Variants in GNPTAB observed in about 807,000 individuals in gnomAD.
The protein encoded by GNPTAB is N-acetylglucosamine-1-phosphate transferase subunits alpha and beta, also known as N-acetylglucosamine-1-phosphotransferase subunits alpha/beta.
A neutral mutation model predicts 136.6 loss-of-function variants in GNPTAB; 92 were observed. The observed-to-expected ratio is 0.67, with a 90% CI of 0.57 to 0.80. The LOEUF is 0.80. GNPTAB is among the 30% of genes least tolerant of loss of function. The probability of loss-of-function intolerance (pLI) is 0.00; values close to 1 mark genes in which losing one functional copy is unlikely to be tolerated. For missense variants in GNPTAB, 1,343 were observed against 1,501.8 expected (o/e 0.89, Z 1.75); for synonymous variants, 512 against 535.1 (o/e 0.96, Z 0.60).
Position 101,788,597 on chromosome 12 carries a change from A to G in GNPTAB, c.324-8T>C. ...TTTTTCCCAAGGATTTCTCTAATAA[A>G]AAGCAAATACAGTTTATTACATACA... is the stretch of plus-strand genomic sequence containing the variant. On this transcript the variant is annotated splice_polypyrimidine_tract_variant and splice_region_variant and intron_variant, in intron 3 of 20. Coordinates refer to ENST00000299314, the MANE Select transcript of GNPTAB (RefSeq NM_024312.5). 1 of 1,494,380 alleles carries G rather than the reference A, an allele frequency of 6.7e-7. No individual in the cohort carries two copies. Among genetic ancestry groups the G allele is most frequent in the East Asian group, 2.3e-5 (1 of 44,302 alleles). The allele number at this position is 1,494,380 out of a possible 1,614,324, so 92.6% of individuals were successfully genotyped here. A position where few individuals can be genotyped will look rare whatever the true frequency, so the allele number is the denominator to read the frequency against.
intron 7 of GNPTAB, chr12:101,772,981 T>C: frequency 6.0e-6 from 1 of 166,316 alleles, no homozygotes; most frequent in Non-Finnish European, 1.3e-5. Flanking sequence ...CATGCCCAGC[T>C]AATATTTTTT....
In GNPTAB at chr12:101,795,480, C is replaced by T. The variant is rs374977326; in HGVS notation, c.203+1197G>A. 3.0e-4 allele frequency among the ~76,000 whole-genome samples: 45 copies of T among 152,208 alleles called. No homozygotes were observed. In the East Asian group the frequency reaches 7.9e-3, roughly 27 times the overall value. ...TTTTAAAATGAGAATAGGCCGAGAG[C>T]GGTGATTCATGCCTGTAACCTCAGC... On this transcript the variant is annotated intron_variant, in intron 2 of 20. Coordinates refer to ENST00000299314, the MANE Select transcript of GNPTAB (RefSeq NM_024312.5).
At chr12:101,815,005 T>A (rs573651038) in intron 1 of GNPTAB, among the ~76,000 whole-genome samples, 1 of 152,196 alleles carries the variant, frequency 6.6e-6, no homozygotes, top group Non-Finnish European at 1.5e-5. Context: ...CTGAAAAATA[T>A]CTTGGGGTCC....
intron 1 of GNPTAB, among the ~76,000 whole-genome samples, chr12:101,805,736 G>C (rs927828225): frequency 3.3e-5 from 5 of 152,102 alleles, no homozygotes; most frequent in Admixed American, 2.6e-4. Context: ...TAAAAAAATT[G>C]CTCCTTTCTT....
intron 1 of GNPTAB, among the ~76,000 whole-genome samples, chr12:101,803,820 T>C (rs1351918878): frequency 6.6e-6 from 1 of 152,118 alleles, no homozygotes; most frequent in African/African-American, 2.4e-5. Flanking sequence ...GGAATAATCA[T>C]GACATATTTT....
intron 5 of GNPTAB, among the ~76,000 whole-genome samples, chr12:101,780,936 A>T (rs774467539): frequency 1.8e-4 from 28 of 152,202 alleles, no homozygotes; most frequent in Non-Finnish European, 3.4e-4. Context: ...TGTATATGCA[A>T]AGACAGGGGG....
In GNPTAB at chr12:101,778,015, C is replaced by G. The variant is rs77777873; in HGVS notation, c.771+2137G>C. Among the ~76,000 whole-genome samples the G allele has an allele frequency of 2.8e-3, 426 of 152,322 alleles. 2 individuals carry two copies. Among genetic ancestry groups the G allele is most frequent in the African/African-American group, 9.4e-3 (392 of 41,566 alleles). ...ATAAATCTCTGACTGGGAGACTGAA[C>G]TGTGGAAAGGAGTCTCACCACACCT... On this transcript the variant is annotated intron_variant, in intron 7 of 20. Coordinates refer to ENST00000299314, the MANE Select transcript of GNPTAB (RefSeq NM_024312.5).
chr12:101,761,365 T>C lies in GNPTAB; in HGVS notation c.2916-19A>G. 1 of 1,603,898 alleles carries C rather than the reference T, an allele frequency of 6.2e-7. No individual in the cohort carries two copies. The highest frequency in any genetic ancestry group is 1.3e-5 in the African/African-American group (1 of 74,332). Reference sequence around the variant, plus strand: ...AGGGAACCTGTCCAAATATAACATATTACAAACTCTGGATATTCAAAGTAT... The same window carrying C: ...AGGGAACCTGTCCAAATATAACATACTACAAACTCTGGATATTCAAAGTAT... On this transcript the variant is annotated intron_variant, in intron 14 of 20. Coordinates refer to ENST00000299314, the MANE Select transcript of GNPTAB (RefSeq NM_024312.5).
At chr12:101,824,434 T>TATATATA (rs1566103110) in intron 1 of GNPTAB, among the ~76,000 whole-genome samples, 2 of 67,974 alleles carry the variant, frequency 2.9e-5, no homozygotes, top group African/African-American at 6.4e-5. Flanking sequence ...ATATATATAT[T>TATATATA]TTCTTTTTTT....
Position 101,791,208 on chromosome 12 carries a change from T to C in GNPTAB, c.204-1151A>G, listed in dbSNP as rs75159825. ...TTGTTTAAGCCTCACCTTAGTGATT[T>C]TACCCAGATTTTATCCCTGCCAAAA... On this transcript the variant is annotated intron_variant, in intron 2 of 20. Transcript: ENST00000299314. 9.4e-3 allele frequency among the ~76,000 whole-genome samples: 1,438 copies of C among 152,328 alleles called. 27 individuals are homozygous for C. The highest frequency in any genetic ancestry group is 0.033 in the African/African-American group (1,359 of 41,572).
intron 1 of GNPTAB, among the ~76,000 whole-genome samples, chr12:101,818,570 G>A (rs759626786): frequency 3.3e-5 from 5 of 151,986 alleles, no homozygotes; most frequent in Non-Finnish European, 5.9e-5. Flanking sequence ...TAGAGATGAG[G>A]TTTCACCATG....
intron 11 of GNPTAB, among the ~76,000 whole-genome samples, chr12:101,767,283 G>A (rs1221037591): frequency 3.3e-5 from 5 of 152,204 alleles, no homozygotes; most frequent in African/African-American, 7.2e-5. Flanking sequence ...TTGAAAGGTA[G>A]TAAGTAAATG....
At chr12:101,789,900 C>A in intron 3 of GNPTAB, 38 bp downstream of exon 3, 1 of 1,598,278 alleles carries the variant, frequency 6.3e-7, no homozygotes, top group African/African-American at 1.3e-5. Context: ...TACATCGCCA[C>A]ATTACCCATC....
chr12:101,793,777 C>T (rs999292086), intron 2 of GNPTAB, among the ~76,000 whole-genome samples: 6 of 152,210 alleles, frequency 3.9e-5, no homozygotes, highest in African/African-American at 1.4e-4. Flanking sequence ...CTTGGTTCTA[C>T]ATTCTATAAA....
At chr12:101,818,688 T>C (rs922134816) in intron 1 of GNPTAB, among the ~76,000 whole-genome samples, 4 of 152,180 alleles carry the variant, frequency 2.6e-5, no homozygotes, top group Non-Finnish European at 4.4e-5. Flanking sequence ...TTTGTGTCTT[T>C]AGTCAACAGT....
rs575736902 is a variant in GNPTAB at position 101,821,552 on chromosome 12, G to A, written c.117+9007C>T. Among the ~76,000 whole-genome samples, 97 of 152,298 alleles carry A rather than the reference G, an allele frequency of 6.4e-4. 3 individuals are homozygous for A. In the South Asian group the frequency reaches 0.02, roughly 31 times the overall value. On this transcript the variant is annotated intron_variant, in intron 1 of 20. Coordinates refer to ENST00000299314, the MANE Select transcript of GNPTAB (RefSeq NM_024312.5). ...TGGGCCAAGATGCAAAGTTTCTTAA[G>A]GAACAGTTGCAGACTCATCCAAATC...
chr12:101,759,358 G>A (rs1471664888), intron 16 of GNPTAB, among the ~76,000 whole-genome samples: 9 of 97,446 alleles, frequency 9.2e-5, no homozygotes, highest in South Asian at 3.9e-4. Flanking sequence ...GCGAGACTCC[G>A]TCTCAAAAAA....
At chr12:101,820,820 G>A (rs950893555) in intron 1 of GNPTAB, among the ~76,000 whole-genome samples, 3 of 152,170 alleles carry the variant, frequency 2.0e-5, no homozygotes, top group Non-Finnish European at 4.4e-5. Context: ...CACTTTGGGA[G>A]GCCGAGGTGG....
intron 1 of GNPTAB, among the ~76,000 whole-genome samples, chr12:101,812,974 T>G (rs962054483): frequency 7.1e-5 from 10 of 140,728 alleles, no homozygotes; most frequent in African/African-American, 2.5e-4. Context: ...CAGCTAAGTG[T>G]TTTTTGTGTG....
Sources: allele counts gnomAD v4.1 joint callset (sites outside exome capture counted in the v4.1 genomes callset), GRCh38; gene constraint gnomAD v4.1.1; transcripts MANE v1.5; gene names NCBI Gene and HGNC (gene_info 2026-07-23, HGNC 2026-07-21).